SLC6A18: variants seen among roughly 807,000 people sequenced by gnomAD.
SLC6A18 encodes inactive sodium-dependent neutral amino acid transporter B(0)AT3.
SLC6A18 carries 58 observed loss-of-function variants against 62.9 expected under a neutral mutation model. The observed-to-expected ratio is 0.92, with a 90% CI of 0.75 to 1.15. SLC6A18 has a LOEUF of 1.15. Ranked by LOEUF, SLC6A18 falls within the 50% of genes most tolerant of loss-of-function variation. The pLI, the probability that SLC6A18 is intolerant of heterozygous loss-of-function variation, is 0.00. For missense variants in SLC6A18, 793 were observed against 836.6 expected, an observed-to-expected ratio of 0.95 and a Z score of 0.64; for synonymous variants, 382 against 365.8, an observed-to-expected ratio of 1.04 and a Z score of -0.51.
chr5:1,242,548 C>T (rs930341572), intron 7 of SLC6A18, among the ~76,000 whole-genome samples, 159 bp from the exon 8 acceptor site: 5 of 149,024 alleles, frequency 3.4e-5, no homozygotes, highest in Admixed American at 6.7e-5. Context: ...GGCGTCCACA[C>T]GATCCCAACA....
At chr5:1,244,423 C>G in intron 10 of SLC6A18, 50 bp downstream of exon 10, 1 of 1,605,372 alleles carries the variant, frequency 6.2e-7, no homozygotes, top group Admixed American at 1.7e-5. Context: ...CAGGGTGGGA[C>G]AGGGAATGGC....
rs1042209637 is a variant in SLC6A18 at position 1,241,493 on chromosome 5, G to A, written c.974+834G>A. Among the ~76,000 whole-genome samples the A allele has an allele frequency of 5.9e-5, 9 of 152,164 alleles. No individual in the cohort carries two copies. Among genetic ancestry groups the A allele is most frequent in the African/African-American group, 2.2e-4 (9 of 41,432 alleles). ...ACCCAGAGAGTGACCAGCCCTGAGTGTTCCAACCCCAGCCTCCTGTGCTTG... is the reference window on the plus strand; with the variant it reads ...ACCCAGAGAGTGACCAGCCCTGAGTATTCCAACCCCAGCCTCCTGTGCTTG... On this transcript the variant is annotated intron_variant, in intron 7 of 11. Coordinates refer to ENST00000324642, the MANE Select transcript of SLC6A18 (RefSeq NM_182632.3). This position sits in a 1 kb window ranked among gnomAD's most constrained non-coding sequence, Gnocchi z 7.8.
intron 7 of SLC6A18, among the ~76,000 whole-genome samples, 161 bp from the exon 8 acceptor site, chr5:1,242,546 C>T (rs997628989): frequency 6.7e-6 from 1 of 148,786 alleles, no homozygotes; most frequent in Non-Finnish European, 1.5e-5. Context: ...GAGGCGTCCA[C>T]ACGATCCCAA....
chr5:1,237,229 A>C (rs1264114411), intron 4 of SLC6A18, among the ~76,000 whole-genome samples: 1 of 138,226 alleles, frequency 7.2e-6, no homozygotes, highest in Non-Finnish European at 1.5e-5. Context: ...CAAGAGAGCA[A>C]GACTCTGTCT....
intron 2 of SLC6A18, 142 bp from the exon 3 acceptor site, chr5:1,232,609 A>G: frequency 8.2e-7 from 1 of 1,223,352 alleles, no homozygotes; most frequent in East Asian, 2.5e-5. Flanking sequence ...TTCACATGTG[A>G]GGTGTGAGGG....
In SLC6A18 at chr5:1,242,877, C is replaced by A; in HGVS notation, c.1131+14C>A. The A allele has an allele frequency of 1.9e-6, 3 of 1,594,088 alleles. No homozygotes were observed. The highest frequency in any genetic ancestry group is 2.6e-6 in the Non-Finnish European group (3 of 1,168,278). On this transcript the variant is annotated intron_variant, in intron 8 of 11. Coordinates refer to ENST00000324642, the MANE Select transcript of SLC6A18 (RefSeq NM_182632.3). ...TTTCTGGATAAGGTACCTGCACACC[C>A]CCTGGGGTAGCCAGGCAGGGCCGTC...
In SLC6A18 at chr5:1,243,624, G is replaced by C; in HGVS notation, c.1201G>C (p.Val401Leu). The C allele has an allele frequency of 6.2e-7, 1 of 1,614,080 alleles. No homozygotes were observed. The highest frequency in any genetic ancestry group is 8.5e-7 in the Non-Finnish European group (1 of 1,180,008). ...CGACCTCCACATGCCGGGGGCTCCT[G>C]TGTGGGCCATGCTCTTCTTCGGGAT... ...ETDLHMPGAP[V>L]WAMLFFGMLF... The change falls in exon 9 of 12, where the codon GTG (valine) becomes CTG (leucine). Residue 401 changes from valine to leucine, a missense_variant. By Grantham distance (32) the Val-to-Leu change is conservative (BLOSUM62 1). Transcript: ENST00000324642. The surrounding 1 kb of genome is among the most constrained non-coding windows in gnomAD (Gnocchi z 6.5).
chr5:1,226,879 C>A (rs974298521), intron 1 of SLC6A18, among the ~76,000 whole-genome samples: 7 of 152,208 alleles, frequency 4.6e-5, no homozygotes, highest in Admixed American at 2.0e-4. Context: ...CTGGAAATGC[C>A]GGCCAACGCT....
In SLC6A18 at chr5:1,246,108, G is replaced by A; in HGVS notation, c.*30G>A. 3 of 1,535,806 alleles carry A rather than the reference G, an allele frequency of 2.0e-6. No homozygotes were observed. Among genetic ancestry groups the A allele is most frequent in the Non-Finnish European group, 2.6e-6 (3 of 1,146,660 alleles). The stretch of plus-strand genomic sequence containing the variant: ...GGCCGGAGCGGGGCCTGCATGGGCG[G>A]GTCTGTGGGGGGGCTTGGCCTGATG... On this transcript the variant is annotated 3_prime_UTR_variant, in exon 12 of 12. Coordinates refer to ENST00000324642, the MANE Select transcript of SLC6A18 (RefSeq NM_182632.3).
intron 3 of SLC6A18, among the ~76,000 whole-genome samples, chr5:1,233,983 C>T (rs368918517): frequency 8.5e-5 from 13 of 152,102 alleles, no homozygotes; most frequent in East Asian, 1.9e-4. Context: ...CCTCGTGATC[C>T]GCCTGCCTCG....
At chr5:1,226,345 C>G (rs1746561381) in intron 1 of SLC6A18, among the ~76,000 whole-genome samples, 1 of 152,200 alleles carries the variant, frequency 6.6e-6, no homozygotes, top group African/African-American at 2.4e-5. Flanking sequence ...AGGCATGAAT[C>G]ACTGCTCTCA....
In SLC6A18 at chr5:1,243,476, T is replaced by C; in HGVS notation, c.1132-79T>C. On this transcript the variant is annotated intron_variant, in intron 8 of 11. Coordinates refer to ENST00000324642, the MANE Select transcript of SLC6A18 (RefSeq NM_182632.3). The surrounding 1 kb of genome is among the most constrained non-coding windows in gnomAD (Gnocchi z 6.5). ...CTCGTGTCCTCGGCCTGGGAGAGTG[T>C]GTGTCCTGCAGGCAGGCGTGTGTGT... 6.7e-7 allele frequency: 1 copy of C among 1,493,456 alleles called. No individual in the cohort carries two copies. The highest frequency in any genetic ancestry group is 9.2e-7 in the Non-Finnish European group (1 of 1,089,578). The allele number at this position is 1,493,456 out of a possible 1,614,324, so 92.5% of individuals were successfully genotyped here. A position where few individuals can be genotyped will look rare whatever the true frequency, so the allele number is the denominator to read the frequency against.
intron 5 of SLC6A18, 30 bp downstream of exon 5, chr5:1,238,090 C>A: frequency 1.3e-6 from 2 of 1,529,214 alleles, no homozygotes; most frequent in Non-Finnish European, 1.8e-6. Flanking sequence ...AAGTTCAGGG[C>A]CTCCAGCACA....
intron 6 of SLC6A18, 100 bp from the exon 7 acceptor site, chr5:1,240,431 G>C: frequency 6.5e-7 from 1 of 1,542,586 alleles, no homozygotes; most frequent in East Asian, 2.3e-5. Context: ...TCCCAGGCGG[G>C]AGAGAGGGTC....
rs769268784 is a variant in SLC6A18, at chr5:1,243,711, C to A, written c.1288C>A (p.Leu430Met). ...CGTGGAGGCGGTCATCACACCCCTG[C>A]TGGACGTGGGGGTCCTGCCTAGATG... ...GTVEAVITPL[L>M]DVGVLPRWVP... is the part of the protein sequence containing the mutation. The change falls in exon 9 of 12, where the codon CTG becomes ATG. Residue 430 changes from leucine (L) to methionine (M), a missense_variant. Coordinates refer to ENST00000324642, the MANE Select transcript of SLC6A18 (RefSeq NM_182632.3). The surrounding 1 kb of genome is among the most constrained non-coding windows in gnomAD (Gnocchi z 6.5). 1 of 1,613,646 alleles carries A rather than the reference C, an allele frequency of 6.2e-7. No homozygotes were observed. The highest frequency in any genetic ancestry group is 8.5e-7 in the Non-Finnish European group (1 of 1,179,876).
intron 1 of SLC6A18, among the ~76,000 whole-genome samples, chr5:1,228,494 C>G (rs575594569): frequency 6.6e-6 from 1 of 152,218 alleles, no homozygotes; most frequent in Non-Finnish European, 1.5e-5. Context: ...GGCTGCACTG[C>G]GGCCTCTGCA....
chr5:1,226,036 A>T (rs750756238), intron 1 of SLC6A18, among the ~76,000 whole-genome samples: 1 of 152,168 alleles, frequency 6.6e-6, no homozygotes, highest in Non-Finnish European at 1.5e-5. Flanking sequence ...TTTCCTCACC[A>T]CAGCCTTGGT....
At chr5:1,225,765 C>A in intron 1 of SLC6A18, 128 bp downstream of exon 1, 2 of 1,142,958 alleles carry the variant, frequency 1.7e-6, no homozygotes, top group Non-Finnish European at 2.4e-6. Context: ...AACCAGGGTG[C>A]ACCATTGCCC....
chr5:1,232,559 G>T (rs1236824975), intron 2 of SLC6A18, among the ~76,000 whole-genome samples, 192 bp from the exon 3 acceptor site: 2 of 152,214 alleles, frequency 1.3e-5, no homozygotes, highest in East Asian at 3.8e-4. Flanking sequence ...GAACATGTGT[G>T]CCAGGACATC....
Sources: allele counts gnomAD v4.1 joint callset (sites outside exome capture counted in the v4.1 genomes callset), GRCh38; gene constraint gnomAD v4.1.1; non-coding constraint Gnocchi (gnomAD v3.1); transcripts MANE v1.5; gene names NCBI Gene and HGNC (gene_info 2026-07-23, HGNC 2026-07-21).